Variants in ADAM10 observed in about 807,000 individuals in gnomAD.
ADAM10 encodes the protein ADAM metallopeptidase domain 10, also known as disintegrin and metalloproteinase domain-containing protein 10.
Under a neutral mutation model 90.1 loss-of-function variants are expected in ADAM10, and 17 were observed. The ratio of observed to expected loss-of-function variants is 0.19; its 90% confidence interval spans 0.13 to 0.28. The LOEUF is 0.28. ADAM10 is among the 10% of genes least tolerant of loss of function. The pLI is 1.00. For missense variants in ADAM10, 610 were observed against 914.3 expected (o/e 0.67, Z 4.29); for synonymous variants, 310 against 298.6 (o/e 1.04, Z -0.40).
chr15:58,713,472 C>G (rs192788839), intron 2 of ADAM10, among the ~76,000 whole-genome samples: 2 of 152,272 alleles, frequency 1.3e-5, no homozygotes, highest in Admixed American at 1.3e-4. Context: ...GATTCACACT[C>G]TGCACTTCAA....
intron 11 of ADAM10, among the ~76,000 whole-genome samples, chr15:58,617,552 T>C (rs1293452476): frequency 6.6e-6 from 1 of 152,126 alleles, no homozygotes; most frequent in African/African-American, 2.4e-5. Context: ...AATGGAAGTC[T>C]GAGCCAGAGC....
intron 9 of ADAM10, among the ~76,000 whole-genome samples, chr15:58,630,581 C>A (rs764623720): frequency 6.6e-6 from 1 of 152,162 alleles, no homozygotes; most frequent in Non-Finnish European, 1.5e-5. Flanking sequence ...CCCTGAGAGA[C>A]AGGAACTTTG....
At position 58,597,645 on chromosome 15, in the gene ADAM10, T is replaced by C; in HGVS notation, c.2153-4A>G. 1 of 1,614,056 alleles carries C rather than the reference T, an allele frequency of 6.2e-7. No individual in the cohort carries two copies. Among genetic ancestry groups the C allele is most frequent in the East Asian group, 2.2e-5 (1 of 44,880 alleles). On this transcript the variant is annotated splice_polypyrimidine_tract_variant and splice_region_variant and intron_variant, in intron 15 of 15. Coordinates refer to ENST00000260408, the MANE Select transcript of ADAM10 (RefSeq NM_001110.4). ...GGTCTCCTCCTCTTTAAAGTGCCTGTGAGCCACAAATAAAAGCAAAGCAGA... is the reference window on the plus strand; with the variant it reads ...GGTCTCCTCCTCTTTAAAGTGCCTGCGAGCCACAAATAAAAGCAAAGCAGA...
chr15:58,666,221 T>C (rs1292382746), intron 4 of ADAM10, among the ~76,000 whole-genome samples: 1 of 150,000 alleles, frequency 6.7e-6, no homozygotes, highest in Non-Finnish European at 1.5e-5. Flanking sequence ...TTATTATAAT[T>C]ACACCACTGC....
intron 1 of ADAM10, among the ~76,000 whole-genome samples, chr15:58,727,483 G>A (rs1298269792): frequency 2.6e-5 from 4 of 151,976 alleles, no homozygotes; most frequent in South Asian, 2.1e-4. Context: ...GAGCCACCGC[G>A]CCCAGCCTGG....
chr15:58,640,702 G>T, intron 8 of ADAM10, 75 bp downstream of exon 8: 1 of 1,416,782 alleles, frequency 7.1e-7, no homozygotes, highest in East Asian at 2.4e-5. Flanking sequence ...CCTATACTTT[G>T]AAAATTCAAC....
At chr15:58,664,972 T>G (rs1251173696) in intron 5 of ADAM10, 125 bp downstream of exon 5, 1 of 799,504 alleles carries the variant, frequency 1.3e-6, no homozygotes, top group African/African-American at 1.7e-5. Context: ...CTTTGAGCAT[T>G]AAAAAACATT....
chr15:58,634,917 C>T (rs2140677996), intron 8 of ADAM10, among the ~76,000 whole-genome samples: 1 of 152,240 alleles, frequency 6.6e-6, no homozygotes, highest in Non-Finnish European at 1.5e-5. Flanking sequence ...TAACAGAAGG[C>T]AATTCAAAAT....
chr15:58,674,157 G>A (rs777899602), intron 4 of ADAM10, among the ~76,000 whole-genome samples: 4 of 152,062 alleles, frequency 2.6e-5, no homozygotes, highest in Non-Finnish European at 5.9e-5. Context: ...TTCTGTGCCT[G>A]TGAGTTGTTT....
At position 58,749,639 on chromosome 15, in the gene ADAM10, GC is replaced by G. The variant is rs1451493934; in HGVS notation, c.-106del. ...GCTTGGTCCGGAGCCTCCACGGGAA[GC>G]CGGGACCTCCCCTGGCAGGAGAAAC... On this transcript the variant is annotated 5_prime_UTR_variant, in exon 1 of 16. Coordinates refer to ENST00000260408, the MANE Select transcript of ADAM10 (RefSeq NM_001110.4). 7 of 1,529,360 alleles carry G rather than the reference GC, an allele frequency of 4.6e-6. No homozygotes were observed. The highest frequency in any genetic ancestry group is 6.2e-6 in the Non-Finnish European group (7 of 1,133,836). 94.7% of individuals were successfully genotyped at this position (1,529,360 alleles called of 1,614,324 possible). A position where few individuals can be genotyped will look rare whatever the true frequency, so the allele number is the denominator to read the frequency against.
At chr15:58,715,419 A>T (rs1898625478) in intron 2 of ADAM10, among the ~76,000 whole-genome samples, 1 of 151,922 alleles carries the variant, frequency 6.6e-6, no homozygotes, top group Non-Finnish European at 1.5e-5. Context: ...TGTCTCAAAA[A>T]AAAAAAAAAA....
At position 58,663,303 on chromosome 15, in the gene ADAM10, C is replaced by T. The variant is rs537979051; in HGVS notation, c.585+1794G>A. On this transcript the variant is annotated intron_variant, in intron 5 of 15. Transcript: ENST00000260408. ...AATAGATAAACATTTTTTTCTGGAT[C>T]CATTTATTCAATGGTCCTCACTTTT... Among the ~76,000 whole-genome samples the T allele has an allele frequency of 6.8e-4, 104 of 152,200 alleles. 1 individual carries two copies. The highest frequency in any genetic ancestry group is 1.2e-3 in the Non-Finnish European group (81 of 68,002).
intron 2 of ADAM10, among the ~76,000 whole-genome samples, chr15:58,687,038 G>A (rs1377052465): frequency 6.6e-6 from 1 of 152,090 alleles, no homozygotes. Context: ...TGTTGTTCCT[G>A]GAAGATATTT....
At position 58,612,494 on chromosome 15, in the gene ADAM10, A is replaced by C. The variant is rs773470952; in HGVS notation, c.1512-503T>G. Among the ~76,000 whole-genome samples the C allele has an allele frequency of 5.6e-4, 86 of 152,214 alleles. 2 individuals carry two copies. Among genetic ancestry groups the C allele is most frequent in the Admixed American group, 8.5e-4 (13 of 15,296 alleles). ...CACCCTTCTCCCCACAGTAGTCATCACTGTGCTGTTCCCTGCCCCCTAGGG... is the reference window on the plus strand; with the variant it reads ...CACCCTTCTCCCCACAGTAGTCATCCCTGTGCTGTTCCCTGCCCCCTAGGG... On this transcript the variant is annotated intron_variant, in intron 11 of 15. Coordinates refer to ENST00000260408, the MANE Select transcript of ADAM10 (RefSeq NM_001110.4).
chr15:58,710,624 T>C (rs1898444173), intron 2 of ADAM10, among the ~76,000 whole-genome samples: 1 of 152,242 alleles, frequency 6.6e-6, no homozygotes, highest in South Asian at 2.1e-4. Context: ...TATGTTGCAC[T>C]ATACCTGACA....
In ADAM10 at chr15:58,665,192, G is replaced by C. The variant is rs1897051920; in HGVS notation, c.490C>G (p.Pro164Ala). ...CCCCCCTGAGGACCGTATTTATGGG[G>C]ATAGTCTAAAATACAAAGAAGAAAC... is the stretch of plus-strand genomic sequence containing the variant. ...VIYHEDDINY[P>A]HKYGPQGGCA... is the part of the protein sequence containing the mutation. Residue 164 changes from proline to alanine, a missense_variant, in exon 5 of 16, where the codon CCC becomes GCC. Coordinates refer to ENST00000260408, the MANE Select transcript of ADAM10 (RefSeq NM_001110.4). 1 of 1,606,546 alleles carries C rather than the reference G, an allele frequency of 6.2e-7. No individual in the cohort carries two copies.
chr15:58,620,285 G>A (rs571712571), intron 11 of ADAM10, among the ~76,000 whole-genome samples: 1 of 152,130 alleles, frequency 6.6e-6, no homozygotes, highest in African/African-American at 2.4e-5. Flanking sequence ...GGCCAACATA[G>A]TGAAACCCCA....
intron 14 of ADAM10, 41 bp downstream of exon 14, chr15:58,610,256 A>G: frequency 6.4e-7 from 1 of 1,574,074 alleles, no homozygotes; most frequent in African/African-American, 1.3e-5. Context: ...ATTAAGATCA[A>G]ACCACTTTAA....
chr15:58,717,338 T>C (rs897519118), intron 2 of ADAM10, among the ~76,000 whole-genome samples: 1 of 152,342 alleles, frequency 6.6e-6, no homozygotes, highest in Middle Eastern at 3.4e-3. Context: ...CTTTTACTAA[T>C]GTAAGATCTG....
Sources: allele counts gnomAD v4.1 joint callset (sites outside exome capture counted in the v4.1 genomes callset), GRCh38; gene constraint gnomAD v4.1.1; transcripts MANE v1.5; gene names NCBI Gene and HGNC (gene_info 2026-07-23, HGNC 2026-07-21).